ETS1: variants seen among roughly 807,000 people sequenced by gnomAD.
ETS1 encodes ETS proto-oncogene 1, transcription factor, also known as protein C-ets-1.
ETS1 carries 15 observed loss-of-function variants against 58.6 expected under a neutral mutation model. The observed-to-expected ratio is 0.26, with a 90% CI of 0.17 to 0.39. ETS1 has a LOEUF of 0.39. Ranked by LOEUF, ETS1 falls within the 10% of genes least tolerant of loss-of-function variation. The pLI is 1.00. For synonymous variants in ETS1, 214 were observed against 218.2 expected, an observed-to-expected ratio of 0.98 and a Z score of 0.17; for missense variants, 417 against 610.5, an observed-to-expected ratio of 0.68 and a Z score of 3.34.
chr11:128,585,160 GAAAGAAAGA>G lies in ETS1; in HGVS notation c.-15+2319_-15+2327del, dbSNP rs1864988447. 3.8e-4 allele frequency among the ~76,000 whole-genome samples: 10 copies of G among 26,358 alleles called. 1 individual carries two copies. Among genetic ancestry groups the G allele is most frequent in the African/African-American group, 1.7e-3 (7 of 4,024 alleles). 17.3% of individuals were successfully genotyped at this position (26,358 alleles called of 152,430 possible). A position where few individuals can be genotyped will look rare whatever the true frequency, so the allele number is the denominator to read the frequency against. The stretch of plus-strand genomic sequence containing the variant: ...GAAAAGAAAGAAAGAAAGAAAGAAA[GAAAGAAAGA>G]GAAAGAAAGAAAGAAAGAAGGAAGG... On this transcript the variant is annotated intron_variant, in intron 1 of 9. Coordinates refer to ENST00000392668, the MANE Select transcript of ETS1 (RefSeq NM_001143820.2).
At chr11:128,556,161 C>T (rs1366989969) in intron 3 of ETS1, 130 bp downstream of exon 3, 5 of 763,870 alleles carry the variant, frequency 6.5e-6, no homozygotes, top group Non-Finnish European at 8.1e-6. Context: ...CCGGGACTTT[C>T]CATTCAAGAA....
At chr11:128,471,962 T>C (rs1274155453) in intron 8 of ETS1, among the ~76,000 whole-genome samples, 2 of 152,232 alleles carry the variant, frequency 1.3e-5, no homozygotes, top group East Asian at 1.9e-4. Flanking sequence ...TGGAAGGTAG[T>C]TGAACTAGAT....
chr11:128,502,203 G>C (rs2135483278), intron 3 of ETS1, among the ~76,000 whole-genome samples: 1 of 152,324 alleles, frequency 6.6e-6, no homozygotes, highest in African/African-American at 2.4e-5. Context: ...GGAGGAAGAT[G>C]AGGTCACCAA....
chr11:128,525,619 GAAAAAAAAAAA>G (rs10554000), intron 3 of ETS1, among the ~76,000 whole-genome samples: 6 of 75,818 alleles, frequency 7.9e-5, no homozygotes, highest in East Asian at 8.0e-4. Context: ...GTAAGATTTA[GAAAAAAAAAAA>G]AAAAAAAAAA....
chr11:128,475,948 A>C (rs930513312), intron 8 of ETS1, among the ~76,000 whole-genome samples: 5 of 152,158 alleles, frequency 3.3e-5, no homozygotes, highest in Admixed American at 6.5e-5. Flanking sequence ...AATTCCAGAT[A>C]GTCCCAAATT....
chr11:128,513,675 T>C (rs1863447579), intron 3 of ETS1, among the ~76,000 whole-genome samples: 1 of 152,222 alleles, frequency 6.6e-6, no homozygotes, highest in African/African-American at 2.4e-5. Flanking sequence ...GAGAAATGTG[T>C]AGGTACTAGA....
rs999261742 is a variant in ETS1, at chr11:128,502,411, C to T, written c.215-11835G>A. 1.6e-4 allele frequency among the ~76,000 whole-genome samples: 25 copies of T among 152,110 alleles called. No homozygotes were observed. The South Asian group carries it at 2.3e-3, about 14-fold the overall frequency. ...TACAGAGGTTGCAGGAAGGTGGGAACGCCAAGGAAAAAATAACCAATCGAT... is the reference window on the plus strand; with the variant it reads ...TACAGAGGTTGCAGGAAGGTGGGAATGCCAAGGAAAAAATAACCAATCGAT... On this transcript the variant is annotated intron_variant, in intron 3 of 9. Coordinates refer to ENST00000392668, the MANE Select transcript of ETS1 (RefSeq NM_001143820.2).
intron 2 of ETS1, among the ~76,000 whole-genome samples, chr11:128,563,287 A>G (rs1002217710): frequency 3.3e-5 from 5 of 152,290 alleles, no homozygotes; most frequent in African/African-American, 9.6e-5. Flanking sequence ...AATATTTTAA[A>G]CCCAGAAGCA....
At chr11:128,496,464 T>C (rs1343233884) in intron 3 of ETS1, among the ~76,000 whole-genome samples, 5 of 152,064 alleles carry the variant, frequency 3.3e-5, no homozygotes, top group African/African-American at 1.2e-4. Context: ...GTGTGAAAGG[T>C]AATATCATTG....
chr11:128,479,289 A>G (rs1862417663), intron 8 of ETS1, among the ~76,000 whole-genome samples: 1 of 152,232 alleles, frequency 6.6e-6, no homozygotes, highest in Non-Finnish European at 1.5e-5. Context: ...GGAGAGAATT[A>G]TAAGAGAATA....
At chr11:128,569,567 T>A (rs12226677) in intron 2 of ETS1, among the ~76,000 whole-genome samples, 3 of 152,036 alleles carry the variant, frequency 2.0e-5, no homozygotes. Flanking sequence ...TGTTTGCTGG[T>A]GTCTCTAGTG....
intron 3 of ETS1, among the ~76,000 whole-genome samples, chr11:128,491,005 C>T (rs1304279880): frequency 1.3e-5 from 2 of 152,102 alleles, no homozygotes; most frequent in Non-Finnish European, 2.9e-5. Context: ...TAGGCATGAG[C>T]CACTGTGCCA....
At chr11:128,551,710 G>A (rs1288133717) in intron 3 of ETS1, among the ~76,000 whole-genome samples, 3 of 152,096 alleles carry the variant, frequency 2.0e-5, no homozygotes, top group Non-Finnish European at 4.4e-5. Flanking sequence ...GTCACCAAAC[G>A]TGTTCAACCA....
intron 3 of ETS1, among the ~76,000 whole-genome samples, chr11:128,548,668 C>A (rs888979577): frequency 1.3e-5 from 2 of 152,222 alleles, no homozygotes; most frequent in Admixed American, 6.5e-5. Flanking sequence ...CTGCCACAGG[C>A]CGAAGGGCGA....
intron 2 of ETS1, among the ~76,000 whole-genome samples, chr11:128,559,721 T>G (rs552573005): frequency 3.9e-5 from 6 of 152,336 alleles, no homozygotes; most frequent in African/African-American, 1.2e-4. Flanking sequence ...TTAATAACTA[T>G]TTCATAGAGT....
chr11:128,507,051 G>C (rs1863258155), intron 3 of ETS1, among the ~76,000 whole-genome samples: 2 of 152,152 alleles, frequency 1.3e-5, no homozygotes, highest in Non-Finnish European at 2.9e-5. Context: ...GGGCGGTGGG[G>C]TGTGGGGGCG....
intron 2 of ETS1, among the ~76,000 whole-genome samples, chr11:128,557,562 A>G (rs1353055990): frequency 2.0e-5 from 3 of 152,236 alleles, no homozygotes; most frequent in African/African-American, 7.2e-5. Context: ...AAATGGCCAC[A>G]TAGGTTAAAA....
chr11:128,518,481 T>C (rs1454303689), intron 3 of ETS1, among the ~76,000 whole-genome samples: 1 of 152,202 alleles, frequency 6.6e-6, no homozygotes, highest in Non-Finnish European at 1.5e-5. Flanking sequence ...CTGATATTCA[T>C]CCTATGAAGT....
At chr11:128,512,496 G>A (rs1392020989) in intron 3 of ETS1, among the ~76,000 whole-genome samples, 1 of 152,218 alleles carries the variant, frequency 6.6e-6, no homozygotes, top group Non-Finnish European at 1.5e-5. Flanking sequence ...AATCAGATGA[G>A]ACTTCAGATA....
Sources: gnomAD v4.1 joint callset for allele counts (sites outside exome capture counted in the v4.1 genomes callset) on GRCh38, gnomAD v4.1.1 for gene constraint, MANE v1.5 for transcripts, NCBI Gene and HGNC (gene_info 2026-07-23, HGNC 2026-07-21) for gene names.